Variants in PHF20 observed in about 807,000 individuals in gnomAD.
PHF20 encodes PHD finger protein 20.
PHF20 carries 23 observed loss-of-function variants against 113.5 expected under a neutral mutation model. That is an observed-to-expected ratio of 0.20 (90% CI 0.15 to 0.29). The LOEUF (loss-of-function observed/expected upper bound fraction) is 0.29, where lower values mean the gene tolerates loss of function less well. PHF20 is among the 10% of genes least tolerant of loss of function. The pLI is 1.00. For missense variants in PHF20, 943 were observed against 1,219.6 expected (o/e 0.77, Z 3.38); for synonymous variants, 434 against 457.3 (o/e 0.95, Z 0.65).
intron 1 of PHF20, among the ~76,000 whole-genome samples, chr20:35,795,108 C>T (rs1266571314): frequency 6.6e-6 from 1 of 151,334 alleles, no homozygotes; most frequent in Non-Finnish European, 1.5e-5. Context: ...AGGAGAATCG[C>T]TTGAACCCGG....
At chr20:35,870,148 T>C (rs1371172660) in intron 7 of PHF20, among the ~76,000 whole-genome samples, 1 of 151,384 alleles carries the variant, frequency 6.6e-6, no homozygotes, top group Non-Finnish European at 1.5e-5. Flanking sequence ...ACTAAAAATA[T>C]AAAAAATTAG....
intron 2 of PHF20, among the ~76,000 whole-genome samples, chr20:35,831,164 C>A (rs2042352016): frequency 6.8e-6 from 1 of 148,052 alleles, no homozygotes. Context: ...TCCCTCCTTT[C>A]CTTCTCATTT....
intron 1 of PHF20, among the ~76,000 whole-genome samples, chr20:35,773,143 C>T (rs531154879): frequency 6.6e-6 from 1 of 152,142 alleles, no homozygotes; most frequent in Non-Finnish European, 1.5e-5. Flanking sequence ...TTCTTGTGCC[C>T]CCCAAATGTA....
chr20:35,892,753 A>T (rs1216922870), intron 9 of PHF20, among the ~76,000 whole-genome samples: 1 of 152,066 alleles, frequency 6.6e-6, no homozygotes, highest in Non-Finnish European at 1.5e-5. Flanking sequence ...TCTCACTCTG[A>T]TGCTTGTGTT....
At chr20:35,777,784 G>A (rs528239345) in intron 1 of PHF20, among the ~76,000 whole-genome samples, 20 of 152,172 alleles carry the variant, frequency 1.3e-4, no homozygotes, top group Non-Finnish European at 2.2e-4. Flanking sequence ...ACAGCTGGGT[G>A]ACAGCACGAG....
At chr20:35,778,327 A>G (rs1217672677) in intron 1 of PHF20, among the ~76,000 whole-genome samples, 1 of 152,184 alleles carries the variant, frequency 6.6e-6, no homozygotes, top group East Asian at 1.9e-4. Context: ...AACATTCTTT[A>G]AACCAAAATG....
chr20:35,837,107 A>C (rs1436291600), intron 2 of PHF20, among the ~76,000 whole-genome samples: 1 of 152,144 alleles, frequency 6.6e-6, no homozygotes, highest in Non-Finnish European at 1.5e-5. Flanking sequence ...TGGTAGGTTG[A>C]GGCTGCAGTG....
intron 13 of PHF20, among the ~76,000 whole-genome samples, chr20:35,920,772 G>A (rs1446631379): frequency 6.6e-6 from 1 of 152,202 alleles, no homozygotes; most frequent in Non-Finnish European, 1.5e-5. Context: ...TTTAGGCTGA[G>A]GGAGAGTCTT....
chr20:35,787,659 G>C (rs1285845245), intron 1 of PHF20, among the ~76,000 whole-genome samples: 2 of 149,834 alleles, frequency 1.3e-5, no homozygotes, highest in South Asian at 4.2e-4. Context: ...AGTTAATTTT[G>C]TATTTTTAGT....
rs552132013 is a variant in PHF20 at position 35,857,147 on chromosome 20, C to A, written c.341-1155C>A. ...ACCTGTTTACTAGTGGAAACCATTA[C>A]GTGATTACCAATGGTTTACTGAATC... is the stretch of plus-strand genomic sequence containing the variant. On this transcript the variant is annotated intron_variant, in intron 4 of 17. Transcript: ENST00000374012. Among the ~76,000 whole-genome samples the A allele has an allele frequency of 2.6e-5, 4 of 152,196 alleles. No homozygotes were observed. In the East Asian group the frequency reaches 5.8e-4, roughly 22 times the overall value.
chr20:35,902,563 C>T (rs2055117951), intron 10 of PHF20, among the ~76,000 whole-genome samples: 1 of 152,188 alleles, frequency 6.6e-6, no homozygotes, highest in Non-Finnish European at 1.5e-5. Flanking sequence ...GTATAATGCA[C>T]CTGAGCGTGG....
At chr20:35,914,515 G>A (rs1044975192) in intron 12 of PHF20, among the ~76,000 whole-genome samples, 1 of 152,158 alleles carries the variant, frequency 6.6e-6, no homozygotes, top group Non-Finnish European at 1.5e-5. Flanking sequence ...AAGTGGGATT[G>A]CATCAAGCTG....
intron 4 of PHF20, chr20:35,855,106 A>G (rs774267846): frequency 8.3e-5 from 17 of 204,432 alleles, no homozygotes; most frequent in Non-Finnish European, 1.6e-4. Flanking sequence ...AATATTTAAG[A>G]TTTCAAGATA....
chr20:35,866,716 C>G (rs2054325970), intron 6 of PHF20, among the ~76,000 whole-genome samples: 1 of 152,114 alleles, frequency 6.6e-6, no homozygotes, highest in Non-Finnish European at 1.5e-5. Context: ...GGTATTCATG[C>G]CCTGGCTTAT....
rs1019490625 is a variant in PHF20, at chr20:35,932,071, T to G, written c.2300+627T>G. On this transcript the variant is annotated intron_variant, in intron 15 of 17. Coordinates refer to ENST00000374012, the MANE Select transcript of PHF20 (RefSeq NM_016436.5). ...TTGTTTTGGCATACAGTTCTGAGTG[T>G]TTTTTTTTTTTTTTGAGATGGAGTC... Among the ~76,000 whole-genome samples, 16 of 81,538 alleles carry G rather than the reference T, an allele frequency of 2.0e-4. No homozygotes were observed. The South Asian group carries it at 2.2e-3, about 11-fold the overall frequency. 53.5% of individuals were successfully genotyped at this position (81,538 alleles called of 152,430 possible).
intron 14 of PHF20, chr20:35,928,689 T>C (rs1403791448): frequency 6.6e-6 from 1 of 152,238 alleles, no homozygotes; most frequent in Non-Finnish European, 1.5e-5. Context: ...TTCCTTTTCT[T>C]GAGGACTCAT....
intron 1 of PHF20, among the ~76,000 whole-genome samples, chr20:35,795,912 G>GT (rs1301766327): frequency 3.3e-5 from 5 of 152,056 alleles, no homozygotes; most frequent in African/African-American, 1.2e-4. Context: ...GTGCAGTCGT[G>GT]TGATCTCAGC....
rs1453248241 is a variant in PHF20 at position 35,842,556 on chromosome 20, T to G, written c.84-17T>G. On this transcript the variant is annotated splice_polypyrimidine_tract_variant and intron_variant, in intron 2 of 17. Transcript: ENST00000374012. Reference sequence around the variant, plus strand: ...GTGGGTATTAAAGGAATGCCAATTTTTTTTTTTCTGACTCAGGTATCCAGC... The same window carrying G: ...GTGGGTATTAAAGGAATGCCAATTTGTTTTTTTCTGACTCAGGTATCCAGC... 1.9e-6 allele frequency: 3 copies of G among 1,601,818 alleles called. No homozygotes were observed. The highest frequency in any genetic ancestry group is 1.7e-6 in the Non-Finnish European group (2 of 1,176,230).
chr20:35,836,433 G>A (rs893697696), intron 2 of PHF20, among the ~76,000 whole-genome samples: 43 of 152,112 alleles, frequency 2.8e-4, no homozygotes, highest in African/African-American at 9.4e-4. Context: ...TCAGTTCATA[G>A]AGTGTGTCTT....
Sources: gnomAD v4.1 joint callset for allele counts (sites outside exome capture counted in the v4.1 genomes callset) on GRCh38, gnomAD v4.1.1 for gene constraint, MANE v1.5 for transcripts, NCBI Gene and HGNC (gene_info 2026-07-23, HGNC 2026-07-21) for gene names.